The following LRP1B variants were observed in gnomAD, a reference collection of about 807,000 sequenced individuals.
LRP1B encodes the protein LDL receptor related protein 1B.
In LRP1B, 217 loss-of-function variants were observed where a neutral mutation model predicts 556.6. The ratio of observed to expected loss-of-function variants is 0.39; its 90% CI spans 0.35 to 0.44. The LOEUF is 0.44. Ranked by LOEUF, LRP1B falls within the 20% of genes least tolerant of loss-of-function variation. LRP1B has a pLI of 1.00. For synonymous variants in LRP1B, 2,047 were observed against 1,865.8 expected, an observed-to-expected ratio of 1.10 and a Z score of -2.50; for missense variants, 5,053 against 5,620.8, an observed-to-expected ratio of 0.90 and a Z score of 3.23.
intron 3 of LRP1B, among the ~76,000 whole-genome samples, chr2:141,436,251 A>G (rs932167843): frequency 2.0e-5 from 3 of 152,180 alleles, no homozygotes; most frequent in Non-Finnish European, 4.4e-5. Flanking sequence ...ATATGTAGTT[A>G]CCATTGTTTC....
intron 3 of LRP1B, among the ~76,000 whole-genome samples, chr2:141,467,287 T>C (rs1034183118): frequency 1.3e-5 from 2 of 148,278 alleles, no homozygotes; most frequent in Admixed American, 6.6e-5. Flanking sequence ...ACCGATGGTT[T>C]ATAACTTCGG....
intron 7 of LRP1B, among the ~76,000 whole-genome samples, chr2:141,097,722 G>A (rs1184102591): frequency 6.6e-6 from 1 of 152,034 alleles, no homozygotes; most frequent in Non-Finnish European, 1.5e-5. Flanking sequence ...GAAAACTACA[G>A]AACATAAAAT....
chr2:140,374,340 C>T (rs1419975683), intron 68 of LRP1B, among the ~76,000 whole-genome samples: 3 of 152,180 alleles, frequency 2.0e-5, no homozygotes, highest in African/African-American at 4.8e-5. Flanking sequence ...AAGTAAAGCA[C>T]GTTGAACTAC....
At chr2:141,962,912 T>C (rs1203566557) in intron 1 of LRP1B, among the ~76,000 whole-genome samples, 1 of 151,844 alleles carries the variant, frequency 6.6e-6, no homozygotes, top group Non-Finnish European at 1.5e-5. Flanking sequence ...TATGCATTTT[T>C]CATACTCTTT....
intron 11 of LRP1B, among the ~76,000 whole-genome samples, chr2:141,041,962 G>A (rs972414420): frequency 2.9e-4 from 44 of 151,878 alleles, no homozygotes; most frequent in Admixed American, 2.6e-3. Flanking sequence ...TTTTCCATAC[G>A]AGGTAAGAAT....
chr2:140,643,016 T>C (rs1377022198), intron 41 of LRP1B, among the ~76,000 whole-genome samples: 3 of 152,108 alleles, frequency 2.0e-5, no homozygotes, highest in African/African-American at 7.2e-5. Context: ...AAAGGGGTTG[T>C]GAACACATGT....
intron 43 of LRP1B, among the ~76,000 whole-genome samples, chr2:140,595,093 T>TAC (rs71412707): frequency 1.7e-4 from 4 of 24,164 alleles, no homozygotes; most frequent in Non-Finnish European, 2.4e-4. Context: ...ATTGAATATA[T>TAC]ATATATATAT....
At chr2:141,576,253 A>C (rs1686739171) in intron 2 of LRP1B, among the ~76,000 whole-genome samples, 1 of 152,252 alleles carries the variant, frequency 6.6e-6, no homozygotes, top group Non-Finnish European at 1.5e-5. Flanking sequence ...CAGCCATAAA[A>C]AGGAATGAGA....
intron 43 of LRP1B, among the ~76,000 whole-genome samples, chr2:140,597,892 A>G (rs112764952): frequency 6.6e-6 from 1 of 152,282 alleles, no homozygotes; most frequent in African/African-American, 2.4e-5. Flanking sequence ...TCTTCAGTGC[A>G]GTGGAGGCAT....
intron 43 of LRP1B, among the ~76,000 whole-genome samples, chr2:140,585,905 G>A (rs1375046457): frequency 1.3e-5 from 2 of 152,082 alleles, no homozygotes; most frequent in African/African-American, 4.8e-5. Flanking sequence ...CATATCATGT[G>A]TGTTTAATAA....
At chr2:142,125,636 C>T (rs981395344) in intron 1 of LRP1B, among the ~76,000 whole-genome samples, 2 of 151,684 alleles carry the variant, frequency 1.3e-5, no homozygotes, top group Non-Finnish European at 3.0e-5. Context: ...GGAGAATGTT[C>T]CCAAGGCCTA....
chr2:141,781,420 C>T (rs909867278), intron 2 of LRP1B, among the ~76,000 whole-genome samples: 2 of 152,070 alleles, frequency 1.3e-5, no homozygotes, highest in Non-Finnish European at 2.9e-5. Flanking sequence ...TTTACTAAGC[C>T]AGCTGGATTT....
chr2:141,045,869 A>G (rs1333851574), intron 11 of LRP1B, among the ~76,000 whole-genome samples: 1 of 152,168 alleles, frequency 6.6e-6, no homozygotes, highest in Non-Finnish European at 1.5e-5. Context: ...AAAAATACAC[A>G]TAGTAAATAT....
chr2:140,401,313 A>G (rs13013026), intron 66 of LRP1B, among the ~76,000 whole-genome samples: 13,792 of 152,208 alleles, frequency 0.091, 745 homozygotes, highest in Middle Eastern at 0.14. Context: ...GACTTAGTCC[A>G]GTACTATTAG....
intron 14 of LRP1B, among the ~76,000 whole-genome samples, chr2:141,009,785 T>C (rs1270028538): frequency 6.6e-6 from 1 of 152,040 alleles, no homozygotes; most frequent in Non-Finnish European, 1.5e-5. Flanking sequence ...GTGATAAAAT[T>C]ACAATGACCA....
At chr2:140,652,798 T>A (rs1041474209) in intron 41 of LRP1B, among the ~76,000 whole-genome samples, 5 of 152,068 alleles carry the variant, frequency 3.3e-5, no homozygotes, top group African/African-American at 1.2e-4. Context: ...CATCAGTGTA[T>A]CTTGATAATG....
intron 3 of LRP1B, among the ~76,000 whole-genome samples, chr2:141,319,013 C>T (rs1353983996): frequency 6.6e-6 from 1 of 151,982 alleles, no homozygotes; most frequent in Non-Finnish European, 1.5e-5. Flanking sequence ...CTATAGTTTT[C>T]CTTGTTACCA....
At chr2:141,290,155 G>T (rs1365453573) in intron 3 of LRP1B, among the ~76,000 whole-genome samples, 1 of 152,030 alleles carries the variant, frequency 6.6e-6, no homozygotes, top group African/African-American at 2.4e-5. Flanking sequence ...AGAAGAGAAA[G>T]GATATTTAAA....
intron 32 of LRP1B, among the ~76,000 whole-genome samples, chr2:140,791,230 G>C (rs1365751642): frequency 6.6e-6 from 1 of 151,978 alleles, no homozygotes; most frequent in Admixed American, 6.6e-5. Flanking sequence ...CTCCAGCCTG[G>C]TGACAGATCG....
Sources: gnomAD v4.1 joint callset for allele counts (sites outside exome capture counted in the v4.1 genomes callset) on GRCh38, gnomAD v4.1.1 for gene constraint, MANE v1.5 for transcripts, NCBI Gene and HGNC (gene_info 2026-07-23, HGNC 2026-07-21) for gene names.